ARNT: variants seen among roughly 807,000 people sequenced by gnomAD.
The protein encoded by ARNT is class E basic helix-loop-helix protein 2.
Under a neutral mutation model 105.0 loss-of-function variants are expected in ARNT, and 30 were observed. The ratio of observed to expected loss-of-function variants is 0.29; its 90% CI spans 0.21 to 0.39. ARNT has a LOEUF of 0.39. Among genes scored for constraint, ARNT ranks in the 10% least tolerant of loss-of-function variants. The pLI is 1.00. For synonymous variants in ARNT, 304 were observed against 344.0 expected, an observed-to-expected ratio of 0.88 and a Z score of 1.29; for missense variants, 748 against 978.7, an observed-to-expected ratio of 0.76 and a Z score of 3.15.
intron 13 of ARNT, among the ~76,000 whole-genome samples, chr1:150,824,002 C>T (rs587635369): frequency 6.7e-6 from 1 of 150,288 alleles, no homozygotes; most frequent in East Asian, 2.0e-4. Context: ...GCCACCACGC[C>T]CAGCTAATTT....
At chr1:150,815,497 C>T (rs61817637) in intron 19 of ARNT, among the ~76,000 whole-genome samples, 3 of 148,358 alleles carry the variant, frequency 2.0e-5, no homozygotes, top group East Asian at 4.0e-4. Flanking sequence ...TGCAGTGAGC[C>T]GAGATCGCGC....
chr1:150,857,255 T>A (rs1287069290), intron 2 of ARNT, among the ~76,000 whole-genome samples: 1 of 152,218 alleles, frequency 6.6e-6, no homozygotes. Flanking sequence ...TTAAATATAC[T>A]ATGACTTTCT....
intron 1 of ARNT, chr1:150,861,231 G>A (rs775799292): frequency 2.8e-6 from 1 of 361,708 alleles, no homozygotes; most frequent in South Asian, 2.0e-5. Flanking sequence ...ATAAAACTGG[G>A]TGCAGTGGTG....
In ARNT at chr1:150,817,397, T is replaced by C; in HGVS notation, c.1542A>G (p.Pro514=). 6.2e-7 allele frequency: 1 copy of C among 1,614,216 alleles called. No individual in the cohort carries two copies. The highest frequency in any genetic ancestry group is 8.5e-7 in the Non-Finnish European group (1 of 1,180,036). The change falls in exon 16 of 22, where the codon CCA becomes CCG. Residue 514 remains proline, a synonymous_variant. Transcript: ENST00000358595. ...TGTAGCTGGCCAGTCCATCTCTTCC[T>C]GGTACCATGTCCAATTCTGTTTGCT... ...QQQQTELDMV[P]GRDGLASYNH...
chr1:150,860,023 G>A (rs587631511), intron 1 of ARNT, among the ~76,000 whole-genome samples: 3 of 151,154 alleles, frequency 2.0e-5, no homozygotes, highest in African/African-American at 7.3e-5. Flanking sequence ...AAAAAAGGGT[G>A]CATTTTTCTC....
intron 12 of ARNT, among the ~76,000 whole-genome samples, chr1:150,827,335 C>T (rs185875511): frequency 1.3e-5 from 2 of 152,314 alleles, no homozygotes; most frequent in Admixed American, 6.5e-5. Flanking sequence ...TCAATCTCTG[C>T]TCCCACTCCA....
intron 1 of ARNT, 145 bp downstream of exon 1, chr1:150,876,398 C>T (rs1668266428): frequency 7.2e-7 from 1 of 1,393,908 alleles, no homozygotes; most frequent in Admixed American, 2.6e-5. Flanking sequence ...CTCCCCAGGT[C>T]ACCGCTCCCC....
At chr1:150,824,886 C>T (rs1328786539) in intron 13 of ARNT, among the ~76,000 whole-genome samples, 1 of 151,492 alleles carries the variant, frequency 6.6e-6, no homozygotes, top group Non-Finnish European at 1.5e-5. Flanking sequence ...TATTTTTAGA[C>T]AGTCTTGCTC....
At chr1:150,855,599 T>C (rs1571431225) in intron 2 of ARNT, among the ~76,000 whole-genome samples, 1 of 151,800 alleles carries the variant, frequency 6.6e-6, no homozygotes, top group South Asian at 2.1e-4. Context: ...ATATAGAATA[T>C]GTAACAATAT....
chr1:150,823,120 T>C lies in ARNT; in HGVS notation c.1394+74A>G, dbSNP rs1055284903. 1.0e-5 allele frequency: 14 copies of C among 1,361,576 alleles called. No individual in the cohort carries two copies. The Admixed American group carries it at 1.6e-4, about 16-fold the overall frequency. 84.3% of individuals were successfully genotyped at this position (1,361,576 alleles called of 1,614,324 possible). ...GTTGCTTGATTGTTTACCCCCCACA[T>C]AGGGCATCAGAAGTGTTTTCTGTTG... On this transcript the variant is annotated intron_variant, in intron 14 of 21. Coordinates refer to ENST00000358595, the MANE Select transcript of ARNT (RefSeq NM_001668.4).
At chr1:150,827,002 G>A (rs376287026) in intron 12 of ARNT, among the ~76,000 whole-genome samples, 168 of 151,606 alleles carry the variant, frequency 1.1e-3, no homozygotes, top group African/African-American at 3.7e-3. Context: ...TGGGGACCTG[G>A]ATTTTATTTC....
In ARNT at chr1:150,831,924, TG is replaced by T. The variant is rs754389024; in HGVS notation, c.870-22del. ...CATTCCTAGAAGAGTTACAGGAGTTTGAAAAAAAAAAAAAAAATCTACCCGT... is the reference window on the plus strand; with the variant it reads ...CATTCCTAGAAGAGTTACAGGAGTTTAAAAAAAAAAAAAAAATCTACCCGT... On this transcript the variant is annotated intron_variant, in intron 9 of 21. Coordinates refer to ENST00000358595, the MANE Select transcript of ARNT (RefSeq NM_001668.4). 9 of 1,368,266 alleles carry T rather than the reference TG, an allele frequency of 6.6e-6. No individual in the cohort carries two copies. In the South Asian group the frequency reaches 8.0e-5, roughly 12 times the overall value. The allele number at this position is 1,368,266 out of a possible 1,614,324, so 84.8% of individuals were successfully genotyped here.
intron 2 of ARNT, among the ~76,000 whole-genome samples, chr1:150,857,092 T>C (rs772057438): frequency 2.0e-5 from 3 of 152,194 alleles, no homozygotes; most frequent in Non-Finnish European, 2.9e-5. Context: ...TACCCAGAAA[T>C]GTGGTATATA....
intron 2 of ARNT, among the ~76,000 whole-genome samples, chr1:150,854,545 T>C (rs923163795): frequency 9.9e-5 from 15 of 151,198 alleles, no homozygotes; most frequent in Non-Finnish European, 1.8e-4. Flanking sequence ...CTCAGTGACA[T>C]GGCAAGACCC....
At chr1:150,824,565 T>C (rs1052341577) in intron 13 of ARNT, among the ~76,000 whole-genome samples, 20 of 151,456 alleles carry the variant, frequency 1.3e-4, no homozygotes, top group Admixed American at 5.3e-4. Context: ...GTGATTCTCC[T>C]GCCTCAGCCT....
At chr1:150,850,152 C>T (rs1211178053) in intron 3 of ARNT, among the ~76,000 whole-genome samples, 1 of 152,134 alleles carries the variant, frequency 6.6e-6, no homozygotes, top group Non-Finnish European at 1.5e-5. Flanking sequence ...CTTTGGGAGG[C>T]CGAGGAGGGC....
intron 3 of ARNT, among the ~76,000 whole-genome samples, chr1:150,850,417 G>T (rs973709052): frequency 6.6e-6 from 1 of 152,222 alleles, no homozygotes; most frequent in African/African-American, 2.4e-5. Context: ...GAGTGCCTGC[G>T]ATTGCAGTCG....
intron 3 of ARNT, among the ~76,000 whole-genome samples, chr1:150,852,020 G>T (rs587711339): frequency 6.6e-6 from 1 of 150,678 alleles, no homozygotes; most frequent in Admixed American, 6.6e-5. Context: ...TGCACTCCTG[G>T]CGACAGAGCA....
At chr1:150,826,730 C>T (rs1658367628) in intron 12 of ARNT, 113 bp from the exon 13 acceptor site, 1 of 689,046 alleles carries the variant, frequency 1.5e-6, no homozygotes, top group South Asian at 2.0e-5. Context: ...CTGCAACCTC[C>T]ACCTCCTGAG....
Sources: gnomAD v4.1 joint callset for allele counts (sites outside exome capture counted in the v4.1 genomes callset) on GRCh38, gnomAD v4.1.1 for gene constraint, MANE v1.5 for transcripts, NCBI Gene and HGNC (gene_info 2026-07-23, HGNC 2026-07-21) for gene names.